The following SLC44A5 variants were observed in gnomAD, a reference collection of about 807,000 sequenced individuals.
The protein encoded by SLC44A5 is solute carrier family 44 member 5, also known as choline transporter-like protein 5.
SLC44A5 carries 57 observed loss-of-function variants against 101.8 expected under a neutral mutation model. The ratio of observed to expected loss-of-function variants is 0.56; its 90% confidence interval spans 0.45 to 0.70. SLC44A5 has a LOEUF of 0.70. SLC44A5 is among the 30% of genes least tolerant of loss of function. The pLI, the probability that SLC44A5 is intolerant of heterozygous loss-of-function variation, is 0.00. For missense variants in SLC44A5, 737 were observed against 853.1 expected, an observed-to-expected ratio of 0.86 and a Z score of 1.70; for synonymous variants, 281 against 290.9, an observed-to-expected ratio of 0.97 and a Z score of 0.35.
the SLC44A5 span, among the ~76,000 whole-genome samples, chr1:75,616,239 C>T: frequency 2.6e-4 from 40 of 152,024 alleles, no homozygotes; most frequent in African/African-American, 8.5e-4. Flanking sequence ...CCACACCCTC[C>T]CTCCCCCACG....
chr1:75,236,924 G>C lies in SLC44A5; in HGVS notation c.740+63C>G, dbSNP rs1648133411. The C allele has an allele frequency of 1.3e-5, 11 of 836,684 alleles. No individual in the cohort carries two copies. The South Asian group carries it at 2.3e-4, about 17-fold the overall frequency. 51.8% of individuals were successfully genotyped at this position (836,684 alleles called of 1,614,324 possible). ...AATAAAAATATAAAATTTGAAGAAAGAGTTCTACAAAGATAAAATCAGAAT... is the reference window on the plus strand; with the variant it reads ...AATAAAAATATAAAATTTGAAGAAACAGTTCTACAAAGATAAAATCAGAAT... On this transcript the variant is annotated intron_variant, in intron 11 of 23. Transcript: ENST00000370859.
chr1:75,520,613 G>A (rs1296109177), intron 2 of SLC44A5, among the ~76,000 whole-genome samples: 2 of 152,068 alleles, frequency 1.3e-5, no homozygotes, highest in Non-Finnish European at 2.9e-5. Context: ...AAAGGAGGGA[G>A]ACAATGAGAA....
the SLC44A5 span, among the ~76,000 whole-genome samples, chr1:75,662,816 T>C: frequency 2.6e-5 from 4 of 152,140 alleles, no homozygotes. Flanking sequence ...GTACTTATTA[T>C]ATGGCCCTTC....
the SLC44A5 span, among the ~76,000 whole-genome samples, chr1:75,677,138 G>A: frequency 6.6e-6 from 1 of 152,016 alleles, no homozygotes; most frequent in Non-Finnish European, 1.5e-5. Flanking sequence ...GGACATTAAT[G>A]AGCAATAAAA....
intron 1 of SLC44A5, among the ~76,000 whole-genome samples, chr1:75,610,665 T>C (rs1389916110): frequency 2.0e-5 from 3 of 151,994 alleles, no homozygotes; most frequent in African/African-American, 7.2e-5. Context: ...TGAATACCAG[T>C]AGGTAAGGAT....
At chr1:75,447,640 T>C (rs1296403393) in intron 2 of SLC44A5, among the ~76,000 whole-genome samples, 3 of 152,112 alleles carry the variant, frequency 2.0e-5, no homozygotes, top group East Asian at 3.9e-4. Context: ...CTTCTTAAAA[T>C]TGAAAGTGAT....
chr1:75,500,008 C>T (rs751865264), intron 2 of SLC44A5, among the ~76,000 whole-genome samples: 3 of 152,152 alleles, frequency 2.0e-5, no homozygotes, highest in Non-Finnish European at 2.9e-5. Context: ...TCAATGCCCA[C>T]GTGATGTTGA....
At chr1:75,673,217 C>T in the SLC44A5 span, among the ~76,000 whole-genome samples, 1 of 152,018 alleles carries the variant, frequency 6.6e-6, no homozygotes, top group Non-Finnish European at 1.5e-5. Context: ...CAGAGGGGAG[C>T]CCACTGCCCT....
In SLC44A5 at chr1:75,610,927, ATG is replaced by A. The variant is rs58374130; in HGVS notation, c.-70+111_-70+112del. The stretch of plus-strand genomic sequence containing the variant: ...TTTATATTCAGACTTCACTATATAT[ATG>A]TGTGTGTGTGTGTGTATTTCTTGAG... On this transcript the variant is annotated intron_variant, in intron 1 of 23. Transcript: ENST00000370859. The A allele has an allele frequency of 5.9e-3, 1,275 of 217,328 alleles. 4 individuals carry two copies. Among genetic ancestry groups the A allele is most frequent in the Non-Finnish European group, 8.6e-3 (1,108 of 128,454 alleles). The allele number at this position is 217,328 out of a possible 1,614,324, so 13.5% of individuals were successfully genotyped here. A position where few individuals can be genotyped will look rare whatever the true frequency, so the allele number is the denominator to read the frequency against.
At chr1:75,687,879 T>C in the SLC44A5 span, among the ~76,000 whole-genome samples, 1 of 152,210 alleles carries the variant, frequency 6.6e-6, no homozygotes, top group Non-Finnish European at 1.5e-5. Context: ...ATCACCTTTA[T>C]GGTCATCCAG....
intron 1 of SLC44A5, among the ~76,000 whole-genome samples, chr1:75,557,306 A>G (rs1445481954): frequency 6.6e-6 from 1 of 152,148 alleles, no homozygotes; most frequent in Non-Finnish European, 1.5e-5. Flanking sequence ...GACACAGTGT[A>G]AGTGCATAGG....
intron 4 of SLC44A5, among the ~76,000 whole-genome samples, chr1:75,314,721 T>G (rs1655559939): frequency 6.6e-6 from 1 of 152,186 alleles, no homozygotes; most frequent in Non-Finnish European, 1.5e-5. Context: ...CATCCCTGAT[T>G]CTTGATCATC....
At chr1:75,665,990 G>GA in the SLC44A5 span, among the ~76,000 whole-genome samples, 11 of 151,950 alleles carry the variant, frequency 7.2e-5, no homozygotes, top group African/African-American at 2.4e-4. Flanking sequence ...TGAGGCTACA[G>GA]AAAAAAAGGG....
intron 6 of SLC44A5, among the ~76,000 whole-genome samples, chr1:75,266,822 C>T (rs1477047203): frequency 6.6e-6 from 1 of 152,162 alleles, no homozygotes; most frequent in African/African-American, 2.4e-5. Flanking sequence ...GAACTTTGGG[C>T]CCAGCCCGGG....
intron 7 of SLC44A5, among the ~76,000 whole-genome samples, chr1:75,244,096 C>T (rs1648899680): frequency 6.6e-6 from 1 of 152,076 alleles, no homozygotes; most frequent in Non-Finnish European, 1.5e-5. Context: ...GTTTCTTGTA[C>T]AGCCTGCAGA....
intron 6 of SLC44A5, 36 bp from the exon 7 acceptor site, chr1:75,251,330 A>G (rs1414404357): frequency 1.3e-6 from 2 of 1,538,118 alleles, no homozygotes; most frequent in African/African-American, 1.4e-5. Flanking sequence ...TTTAGTGACC[A>G]TGGAAATGTT....
At chr1:75,475,862 T>C (rs141417457) in intron 2 of SLC44A5, among the ~76,000 whole-genome samples, 2 of 152,340 alleles carry the variant, frequency 1.3e-5, no homozygotes, top group East Asian at 3.9e-4. Context: ...GGCCAATTTC[T>C]TCATCTGTAA....
intron 3 of SLC44A5, chr1:75,353,957 T>G: frequency 3.4e-6 from 1 of 294,072 alleles, no homozygotes; most frequent in Non-Finnish European, 6.7e-6. Context: ...CTCAACACTT[T>G]CCAAGGATTC....
chr1:75,538,477 G>A lies in SLC44A5; in HGVS notation c.13+2958C>T, dbSNP rs1401201569. Among the ~76,000 whole-genome samples, 3 of 152,278 alleles carry A rather than the reference G, an allele frequency of 2.0e-5. No homozygotes were observed. In the East Asian group the frequency reaches 5.8e-4, roughly 29 times the overall value. ...TATATTTTTTAAATTTTACAATAAA[G>A]CATTGTCTTTTAGGTAATTTCCTAA... On this transcript the variant is annotated intron_variant, in intron 2 of 23. Coordinates refer to ENST00000370859, the MANE Select transcript of SLC44A5 (RefSeq NM_001130058.2).
Sources: gnomAD v4.1 joint callset for allele counts (sites outside exome capture counted in the v4.1 genomes callset) on GRCh38, gnomAD v4.1.1 for gene constraint, MANE v1.5 for transcripts, NCBI Gene and HGNC (gene_info 2026-07-23, HGNC 2026-07-21) for gene names.